Variants in ARHGAP39 observed in about 807,000 individuals in gnomAD.
ARHGAP39 encodes the protein rho GTPase-activating protein 39.
A neutral mutation model predicts 106.9 loss-of-function variants in ARHGAP39; 44 were observed. The ratio of observed to expected loss-of-function variants is 0.41; its 90% CI spans 0.32 to 0.53. The LOEUF (loss-of-function observed/expected upper bound fraction) is 0.53, where lower values mean the gene tolerates loss of function less well. Ranked by LOEUF, ARHGAP39 falls within the 20% of genes least tolerant of loss-of-function variation. The probability of loss-of-function intolerance (pLI) is 0.21; values close to 1 mark genes in which losing one functional copy is unlikely to be tolerated. For synonymous variants in ARHGAP39, 768 were observed against 693.2 expected (o/e 1.11, Z -1.69); for missense variants, 1,496 against 1,577.3 (o/e 0.95, Z 0.87).
intron 2 of ARHGAP39, among the ~76,000 whole-genome samples, chr8:144,599,597 G>A (rs1819766130): frequency 6.6e-6 from 1 of 152,108 alleles, no homozygotes; most frequent in Non-Finnish European, 1.5e-5. Context: ...TTGGGGCTTT[G>A]GGAACGTGCG....
intron 2 of ARHGAP39, among the ~76,000 whole-genome samples, chr8:144,596,351 C>G (rs1400260317): frequency 1.3e-5 from 2 of 152,100 alleles, no homozygotes; most frequent in Non-Finnish European, 2.9e-5. Context: ...CCGGCGCTGT[C>G]CACCACCCCT....
chr8:144,560,322 C>T (rs1002729715), intron 3 of ARHGAP39, among the ~76,000 whole-genome samples: 1 of 152,194 alleles, frequency 6.6e-6, no homozygotes, highest in Non-Finnish European at 1.5e-5. Flanking sequence ...ATAATCCCAG[C>T]TACTTGGGAG....
chr8:144,674,422 C>T (rs1822179499), intron 1 of ARHGAP39, among the ~76,000 whole-genome samples: 1 of 152,184 alleles, frequency 6.6e-6, no homozygotes, highest in African/African-American at 2.4e-5. Context: ...GGCAGGCTGT[C>T]CTGTTGTTTG....
chr8:144,658,530 C>A (rs1304982544), intron 1 of ARHGAP39, among the ~76,000 whole-genome samples: 2 of 152,206 alleles, frequency 1.3e-5, no homozygotes, highest in African/African-American at 2.4e-5. Context: ...TCGCCTCGGC[C>A]TCCCAAAGTG....
intron 2 of ARHGAP39, among the ~76,000 whole-genome samples, chr8:144,600,595 T>G (rs1321054220): frequency 6.9e-6 from 1 of 144,392 alleles, no homozygotes; most frequent in Non-Finnish European, 1.5e-5. Flanking sequence ...TATACCTGAG[T>G]GTGCGTGTTC....
intron 9 of ARHGAP39, 63 bp from the exon 10 acceptor site, chr8:144,532,459 T>C (rs117567558): frequency 6.9e-7 from 1 of 1,446,260 alleles, no homozygotes; most frequent in Admixed American, 1.8e-5. Context: ...TGATTCCGCC[T>C]GGACACTCCC....
rs191783088 is a variant in ARHGAP39, at chr8:144,604,031, G to A, written c.80+1504C>T. Among the ~76,000 whole-genome samples the A allele has an allele frequency of 1.2e-3, 180 of 152,328 alleles. 1 individual carries two copies. The highest frequency in any genetic ancestry group is 4.1e-3 in the African/African-American group (171 of 41,582). ...ATCAGCGAACAAACGAATGAAGAAC[G>A]AACAAACGAATGAACAAGGAGACAG... On this transcript the variant is annotated intron_variant, in intron 2 of 11. Transcript: ENST00000377307. The surrounding 1 kb of genome is among the most constrained non-coding windows in gnomAD (Gnocchi z 4.1).
intron 4 of ARHGAP39, among the ~76,000 whole-genome samples, chr8:144,552,131 G>C (rs1817720375): frequency 6.6e-6 from 1 of 152,264 alleles, no homozygotes; most frequent in African/African-American, 2.4e-5. Flanking sequence ...AAGTTGGAAA[G>C]CCTTAAGAGC....
intron 1 of ARHGAP39, among the ~76,000 whole-genome samples, chr8:144,614,921 C>A (rs1181067904): frequency 6.6e-6 from 1 of 152,208 alleles, no homozygotes; most frequent in Non-Finnish European, 1.5e-5. Flanking sequence ...TCCCTCTAAT[C>A]CTTCCTGTTC....
the ARHGAP39 span, chr8:144,698,945 G>C: frequency 1.3e-5 from 6 of 449,500 alleles, no homozygotes; most frequent in Non-Finnish European, 2.2e-5. Flanking sequence ...ACCATCCCAC[G>C]GCCTGCAACC....
the ARHGAP39 span, among the ~76,000 whole-genome samples, chr8:144,695,224 G>A: frequency 6.8e-6 from 1 of 146,974 alleles, no homozygotes; most frequent in Non-Finnish European, 1.5e-5. Context: ...ACAGGTGCGT[G>A]CCAACACGCC....
chr8:144,561,437 G>GTCCATCACACTCCAGTGGTT (rs1209943250), intron 3 of ARHGAP39, among the ~76,000 whole-genome samples: 14 of 123,120 alleles, frequency 1.1e-4, no homozygotes, highest in African/African-American at 2.2e-4. Flanking sequence ...CTCCAGTGGT[G>GTCCATCACACTCCAGTGGTT]TCCATCACAC....
intron 2 of ARHGAP39, among the ~76,000 whole-genome samples, chr8:144,589,081 G>T (rs897101602): frequency 6.6e-6 from 1 of 152,140 alleles, no homozygotes; most frequent in Non-Finnish European, 1.5e-5. Context: ...AACAATTCCC[G>T]GCAGGGGCTC....
chr8:144,601,797 G>C (rs1300473991), intron 2 of ARHGAP39, among the ~76,000 whole-genome samples: 5 of 135,962 alleles, frequency 3.7e-5, no homozygotes, highest in Non-Finnish European at 7.7e-5. Context: ...GTGTGCTAAT[G>C]TACCTGTGTG....
In ARHGAP39 at chr8:144,547,469, C is replaced by T. The variant is rs779484721; in HGVS notation, c.1617G>A (p.Ala539=). The change falls in exon 5 of 12, where the codon GCG becomes GCA. Residue 539 remains alanine, a synonymous_variant. Coordinates refer to ENST00000377307, the MANE Select transcript of ARHGAP39 (RefSeq NM_025251.3). The surrounding 1 kb of genome is among the most constrained non-coding windows in gnomAD (Gnocchi z 5.2). ...CGTSLAPVKR[A]EGEAEGARGA... ...CCCGCGCCCCTTCGGCCTCACCTTC[C>T]GCTCGCTTCACGGGGGCGAGGCTGG... The T allele has an allele frequency of 1.0e-5, 16 of 1,550,418 alleles. 2 individuals are homozygous for T. In the African/African-American group the frequency reaches 1.8e-4, roughly 17 times the overall value.
chr8:144,592,886 G>A (rs1197848782), intron 2 of ARHGAP39, among the ~76,000 whole-genome samples: 1 of 152,208 alleles, frequency 6.6e-6, no homozygotes, highest in Non-Finnish European at 1.5e-5. Flanking sequence ...CACAGGGCGA[G>A]GTGGGGAGGA....
intron 1 of ARHGAP39, among the ~76,000 whole-genome samples, chr8:144,622,511 T>C (rs1820832114): frequency 6.6e-6 from 1 of 151,730 alleles, no homozygotes; most frequent in Non-Finnish European, 1.5e-5. Context: ...GGAGCCGCCC[T>C]CCCAGGAGAG....
intron 3 of ARHGAP39, among the ~76,000 whole-genome samples, chr8:144,566,743 T>C (rs1818410751): frequency 6.6e-6 from 1 of 151,594 alleles, no homozygotes; most frequent in African/African-American, 2.4e-5. Flanking sequence ...TAATCCCAGA[T>C]ACTTGGGAGA....
intron 2 of ARHGAP39, 31 bp from the exon 3 acceptor site, chr8:144,581,308 G>C: frequency 1.3e-6 from 2 of 1,510,800 alleles, no homozygotes; most frequent in Non-Finnish European, 1.8e-6. Flanking sequence ...GGCGGCTGGA[G>C]CCACGGCGGC....
Sources: allele counts gnomAD v4.1 joint callset (sites outside exome capture counted in the v4.1 genomes callset), GRCh38; gene constraint gnomAD v4.1.1; non-coding constraint Gnocchi (gnomAD v3.1); transcripts MANE v1.5; gene names NCBI Gene and HGNC (gene_info 2026-07-23, HGNC 2026-07-21).